The following NIM1K variants were observed in gnomAD, a reference collection of about 807,000 sequenced individuals.
NIM1K encodes the protein serine/threonine-protein kinase NIM1.
A neutral mutation model predicts 37.1 loss-of-function variants in NIM1K; 35 were observed. The ratio of observed to expected loss-of-function variants is 0.94; its 90% CI spans 0.72 to 1.25. The LOEUF (loss-of-function observed/expected upper bound fraction) is 1.25. NIM1K is among the 50% of genes most tolerant of loss of function. The pLI, the probability that NIM1K is intolerant of heterozygous loss-of-function variation, is 0.00. For synonymous variants in NIM1K, 234 were observed against 206.6 expected, an observed-to-expected ratio of 1.13 and a Z score of -1.14; for missense variants, 564 against 548.0, an observed-to-expected ratio of 1.03 and a Z score of -0.29.
At chr5:43,248,453 T>C (rs1277676732) in intron 2 of NIM1K, among the ~76,000 whole-genome samples, 1 of 152,144 alleles carries the variant, frequency 6.6e-6, no homozygotes, top group African/African-American at 2.4e-5. Flanking sequence ...CAGGGAGCTA[T>C]CAGGAATCTA....
At chr5:43,234,057 T>A (rs566147376) in intron 1 of NIM1K, among the ~76,000 whole-genome samples, 1 of 152,326 alleles carries the variant, frequency 6.6e-6, no homozygotes, top group South Asian at 2.1e-4. Context: ...ATCTTTGAAA[T>A]TCATGGTTTC....
intron 1 of NIM1K, among the ~76,000 whole-genome samples, chr5:43,207,988 T>G (rs6868271): frequency 0.98 from 149,533 of 152,252 alleles, 73,494 homozygotes; most frequent in Middle Eastern, 1. Flanking sequence ...GATGAGCTTA[T>G]GGTGTTATTT....
chr5:43,226,688 C>T (rs1752461508), intron 1 of NIM1K, among the ~76,000 whole-genome samples: 1 of 152,200 alleles, frequency 6.6e-6, no homozygotes, highest in Non-Finnish European at 1.5e-5. Context: ...AAGTATAATG[C>T]ACTCAGCATG....
intron 1 of NIM1K, among the ~76,000 whole-genome samples, chr5:43,239,528 G>A (rs946639585): frequency 1.3e-5 from 2 of 150,358 alleles, no homozygotes; most frequent in African/African-American, 4.9e-5. Context: ...GTGAGCCACC[G>A]CGCCTGCTTT....
intron 1 of NIM1K, among the ~76,000 whole-genome samples, chr5:43,228,635 G>C (rs1752494018): frequency 6.6e-6 from 1 of 150,966 alleles, no homozygotes; most frequent in African/African-American, 2.4e-5. Flanking sequence ...GACCAGCCTG[G>C]CCAACATGGC....
At chr5:43,220,483 A>ACTATG in intron 1 of NIM1K, among the ~76,000 whole-genome samples, 1 of 151,892 alleles carries the variant, frequency 6.6e-6, no homozygotes, top group East Asian at 1.9e-4. Flanking sequence ...ACAGAGTTTC[A>ACTATG]TTGGCCAGGC....
intron 2 of NIM1K, among the ~76,000 whole-genome samples, chr5:43,264,526 A>G (rs1219418501): frequency 1.3e-5 from 2 of 152,066 alleles, no homozygotes; most frequent in African/African-American, 4.8e-5. Flanking sequence ...TCTGCATGTG[A>G]GATGGGTCTC....
At chr5:43,268,328 T>C (rs572251113) in intron 2 of NIM1K, among the ~76,000 whole-genome samples, 1 of 152,208 alleles carries the variant, frequency 6.6e-6, no homozygotes, top group African/African-American at 2.4e-5. Context: ...GATGGAGATA[T>C]TACTCAAATC....
At chr5:43,196,957 T>TTA (rs1751926637) in intron 1 of NIM1K, among the ~76,000 whole-genome samples, 1 of 147,774 alleles carries the variant, frequency 6.8e-6, no homozygotes, top group Non-Finnish European at 1.5e-5. Context: ...TTTTTTTTTT[T>TTA]TTTTTTTTGG....
At chr5:43,214,957 G>T (rs1026245928) in intron 1 of NIM1K, among the ~76,000 whole-genome samples, 1 of 152,112 alleles carries the variant, frequency 6.6e-6, no homozygotes, top group Non-Finnish European at 1.5e-5. Context: ...GGTGGGGGTA[G>T]ATGTGAACTG....
chr5:43,221,733 C>T (rs932401416), intron 1 of NIM1K, among the ~76,000 whole-genome samples: 1 of 152,088 alleles, frequency 6.6e-6, no homozygotes, highest in Non-Finnish European at 1.5e-5. Context: ...AGTTGGCTGC[C>T]TTTGATTGGT....
chr5:43,253,040 C>T (rs1019608136), intron 2 of NIM1K, among the ~76,000 whole-genome samples: 5 of 147,620 alleles, frequency 3.4e-5, no homozygotes, highest in Admixed American at 6.8e-5. Flanking sequence ...TGCAGTGATG[C>T]GATCAAAGCT....
chr5:43,252,492 AATAAG>A (rs1171677528), intron 2 of NIM1K, among the ~76,000 whole-genome samples: 1 of 152,144 alleles, frequency 6.6e-6, no homozygotes, highest in Non-Finnish European at 1.5e-5. Flanking sequence ...GGACAGTTTG[AATAAG>A]ATAATAGAGG....
At chr5:43,218,724 C>CTTT (rs70994612) in intron 1 of NIM1K, among the ~76,000 whole-genome samples, 9 of 141,124 alleles carry the variant, frequency 6.4e-5, no homozygotes, top group South Asian at 2.3e-4. Context: ...TTCTTCTTTT[C>CTTT]TTTTTTTTTT....
intron 1 of NIM1K, among the ~76,000 whole-genome samples, chr5:43,218,053 C>A: frequency 6.6e-6 from 1 of 150,418 alleles, no homozygotes; most frequent in Admixed American, 6.7e-5. Context: ...AGTCTGTCGC[C>A]CAGGCTGGAG....
intron 2 of NIM1K, among the ~76,000 whole-genome samples, chr5:43,274,109 G>A (rs552127372): frequency 1.4e-4 from 22 of 152,108 alleles, no homozygotes; most frequent in Non-Finnish European, 2.2e-4. Flanking sequence ...TTGCACATGA[G>A]GTGAGGCCAT....
chr5:43,251,840 C>G (rs1380070240), intron 2 of NIM1K, among the ~76,000 whole-genome samples: 2 of 152,154 alleles, frequency 1.3e-5, no homozygotes, highest in African/African-American at 4.8e-5. Context: ...CATTCTGTTT[C>G]AGTTCAAATT....
chr5:43,219,085 C>T (rs1752347566), intron 1 of NIM1K, among the ~76,000 whole-genome samples: 1 of 152,152 alleles, frequency 6.6e-6, no homozygotes, highest in Admixed American at 6.5e-5. Context: ...TTGCTGCTAT[C>T]ATGTGAAGGA....
chr5:43,232,105 A>C, intron 1 of NIM1K: 1 of 1,047,828 alleles, frequency 9.5e-7, no homozygotes, highest in Non-Finnish European at 1.4e-6. Context: ...GCTGGCAGTT[A>C]ATGCCAACCT....
Sources: allele counts gnomAD v4.1 joint callset (sites outside exome capture counted in the v4.1 genomes callset), GRCh38; gene constraint gnomAD v4.1.1; transcripts MANE v1.5; gene names NCBI Gene and HGNC (gene_info 2026-07-23, HGNC 2026-07-21).